GRID2: variants seen among roughly 807,000 people sequenced by gnomAD.
The protein encoded by GRID2 is glutamate ionotropic receptor delta type subunit 2.
In GRID2, 33 loss-of-function variants were observed where a neutral mutation model predicts 114.8. The ratio of observed to expected loss-of-function variants is 0.29; its 90% CI spans 0.22 to 0.38. The LOEUF (loss-of-function observed/expected upper bound fraction) is 0.38. GRID2 is among the 10% of genes least tolerant of loss of function. The probability of loss-of-function intolerance (pLI) is 1.00; values close to 1 mark genes in which losing one functional copy is unlikely to be tolerated. For missense variants in GRID2, 1,184 were observed against 1,257.7 expected (o/e 0.94, Z 0.89); for synonymous variants, 505 against 449.9 (o/e 1.12, Z -1.55).
Position 92,583,835 on chromosome 4 carries a change from A to C in GRID2, c.89-6296A>C, listed in dbSNP as rs1477285130. Reference sequence around the variant, plus strand: ...TACCTATTTGTGCATGTGTAATATAAATATATAAACATGAACATGTATTAC... The same window carrying C: ...TACCTATTTGTGCATGTGTAATATACATATATAAACATGAACATGTATTAC... On this transcript the variant is annotated intron_variant, in intron 1 of 15. Transcript: ENST00000282020. Among the ~76,000 whole-genome samples, 4 of 150,240 alleles carry C rather than the reference A, an allele frequency of 2.7e-5. No individual in the cohort carries two copies. In the East Asian group the frequency reaches 7.8e-4, roughly 29 times the overall value.
At chr4:93,807,572 T>C (rs1251731191) in exon 2 of GRID2, 1 of 152,192 alleles carries the variant, frequency 6.6e-6, no homozygotes, top group Non-Finnish European at 1.5e-5. Flanking sequence ...CCACACTTAG[T>C]ACATGTGTCA....
intron 2 of GRID2, among the ~76,000 whole-genome samples, chr4:93,042,289 CTCTCTCTCTCTATA>C (rs1204024194): frequency 4.7e-5 from 4 of 85,284 alleles, no homozygotes; most frequent in Non-Finnish European, 9.7e-5. Context: ...CTCTCTCTCT[CTCTCTCTCTCTATA>C]TATATATATA....
intron 8 of GRID2, among the ~76,000 whole-genome samples, chr4:93,349,403 T>C (rs1760568739): frequency 6.6e-6 from 1 of 152,068 alleles, no homozygotes; most frequent in South Asian, 2.1e-4. Context: ...TTGAATGAAA[T>C]GATTAATAAT....
chr4:92,926,342 A>T (rs1749807151), intron 2 of GRID2, among the ~76,000 whole-genome samples: 1 of 151,976 alleles, frequency 6.6e-6, no homozygotes. Flanking sequence ...TATATCTATG[A>T]AAGCTACTAT....
chr4:93,015,789 T>A (rs1722633172), intron 2 of GRID2, among the ~76,000 whole-genome samples: 4 of 152,052 alleles, frequency 2.6e-5, no homozygotes, highest in African/African-American at 9.7e-5. Context: ...CTGGATAATC[T>A]TGGCAAATCC....
At chr4:93,096,872 G>A (rs1459197375) in intron 3 of GRID2, among the ~76,000 whole-genome samples, 1 of 151,936 alleles carries the variant, frequency 6.6e-6, no homozygotes, top group Non-Finnish European at 1.5e-5. Context: ...ATTCATAGCA[G>A]CATTATTCCT....
intron 8 of GRID2, among the ~76,000 whole-genome samples, chr4:93,385,663 A>G (rs967659303): frequency 2.0e-5 from 3 of 152,126 alleles, no homozygotes; most frequent in Non-Finnish European, 4.4e-5. Context: ...AATCCTTACT[A>G]ATAATAATAC....
intron 2 of GRID2, among the ~76,000 whole-genome samples, chr4:92,818,116 ATCTCAGGTG>A (rs1427174098): frequency 6.6e-6 from 1 of 152,108 alleles, no homozygotes; most frequent in African/African-American, 2.4e-5. Flanking sequence ...TGTTTCTGTT[ATCTCAGGTG>A]TCACATTATC....
intron 2 of GRID2, among the ~76,000 whole-genome samples, chr4:92,692,438 T>C (rs1734221787): frequency 6.6e-6 from 1 of 152,180 alleles, no homozygotes; most frequent in Non-Finnish European, 1.5e-5. Flanking sequence ...TGCTCTTATG[T>C]TTAAAATAGA....
intron 13 of GRID2, among the ~76,000 whole-genome samples, chr4:93,582,362 C>G (rs1405668088): frequency 4.6e-5 from 7 of 152,148 alleles, no homozygotes; most frequent in Non-Finnish European, 1.5e-5. Flanking sequence ...GATAATCTCC[C>G]CATCTGAAAA....
At chr4:92,488,667 C>A (rs1723006258) in intron 1 of GRID2, among the ~76,000 whole-genome samples, 1 of 152,100 alleles carries the variant, frequency 6.6e-6, no homozygotes, top group Non-Finnish European at 1.5e-5. Flanking sequence ...GGGATTTAAT[C>A]AAAGAAATGT....
At chr4:93,532,207 A>T (rs529904690) in intron 13 of GRID2, among the ~76,000 whole-genome samples, 90 of 152,284 alleles carry the variant, frequency 5.9e-4, no homozygotes, top group African/African-American at 2.0e-3. Context: ...GGCTAATTCA[A>T]TGAATACATG....
chr4:93,316,898 T>G (rs1056465855), intron 8 of GRID2, among the ~76,000 whole-genome samples: 2 of 152,142 alleles, frequency 1.3e-5, no homozygotes, highest in African/African-American at 4.8e-5. Flanking sequence ...AATCAATTTA[T>G]TTTTTCCTCC....
rs544099120 is a variant in GRID2, at chr4:92,950,021, T to C, written c.245-134974T>C. ...AGGGCAAAAGAAATACCTATTTTTA[T>C]ATAACTATTTGAGAAAAGAATCAAG... On this transcript the variant is annotated intron_variant, in intron 2 of 15. Transcript: ENST00000282020. 2.0e-5 allele frequency among the ~76,000 whole-genome samples: 3 copies of C among 152,210 alleles called. No individual in the cohort carries two copies. The South Asian group carries it at 6.2e-4, about 32-fold the overall frequency.
At chr4:93,645,079 A>G (rs1456643959) in intron 14 of GRID2, among the ~76,000 whole-genome samples, 1 of 152,174 alleles carries the variant, frequency 6.6e-6, no homozygotes, top group Non-Finnish European at 1.5e-5. Context: ...AAATTCATGA[A>G]TGAATGACCC....
At chr4:93,599,416 T>A (rs1739448615) in intron 13 of GRID2, among the ~76,000 whole-genome samples, 1 of 152,252 alleles carries the variant, frequency 6.6e-6, no homozygotes. Context: ...TAGGCATTTC[T>A]TTAAGTGAAA....
chr4:93,357,576 T>C (rs1019948246), intron 8 of GRID2, among the ~76,000 whole-genome samples: 1 of 151,562 alleles, frequency 6.6e-6, no homozygotes, highest in South Asian at 2.1e-4. Flanking sequence ...AAGTTTATTT[T>C]ATTTATATTG....
At chr4:92,688,471 A>G (rs941433062) in intron 2 of GRID2, among the ~76,000 whole-genome samples, 1 of 152,180 alleles carries the variant, frequency 6.6e-6, no homozygotes, top group Non-Finnish European at 1.5e-5. Context: ...AACTACATTT[A>G]TGGAATATTC....
intron 2 of GRID2, among the ~76,000 whole-genome samples, chr4:92,778,245 A>T (rs1050367365): frequency 6.6e-6 from 1 of 151,680 alleles, no homozygotes; most frequent in Non-Finnish European, 1.5e-5. Context: ...GTTTTTTTTT[A>T]AATCGACAAT....
Sources: gnomAD v4.1 joint callset for allele counts (sites outside exome capture counted in the v4.1 genomes callset) on GRCh38, gnomAD v4.1.1 for gene constraint, MANE v1.5 for transcripts, NCBI Gene and HGNC (gene_info 2026-07-23, HGNC 2026-07-21) for gene names.